ZNRF2: variants seen among roughly 807,000 people sequenced by gnomAD.
ZNRF2 encodes zinc and ring finger 2.
In ZNRF2, 16 loss-of-function variants were observed where a neutral mutation model predicts 20.4. The ratio of observed to expected loss-of-function variants is 0.79; its 90% CI spans 0.53 to 1.19. The LOEUF is 1.19. Ranked by LOEUF, ZNRF2 falls within the 50% of genes most tolerant of loss-of-function variation. The pLI is 0.00. For missense variants in ZNRF2, 363 were observed against 332.4 expected (o/e 1.09, Z -0.72); for synonymous variants, 178 against 144.9 (o/e 1.23, Z -1.64).
chr7:30,300,020 G>A (rs917331111), intron 1 of ZNRF2, among the ~76,000 whole-genome samples: 3 of 151,852 alleles, frequency 2.0e-5, no homozygotes, highest in African/African-American at 7.3e-5. Context: ...TCCTGACCTC[G>A]TGATGTGCCC....
intron 2 of ZNRF2, among the ~76,000 whole-genome samples, chr7:30,330,789 G>A (rs2127948981): frequency 6.6e-6 from 1 of 151,364 alleles, no homozygotes; most frequent in East Asian, 1.9e-4. Flanking sequence ...AAGAAAACTT[G>A]CCAGCTACTA....
chr7:30,297,509 C>G (rs1295593866), intron 1 of ZNRF2, among the ~76,000 whole-genome samples: 1 of 152,042 alleles, frequency 6.6e-6, no homozygotes, highest in African/African-American at 2.4e-5. Flanking sequence ...TTGATTAGTA[C>G]TTTGACTTGA....
chr7:30,354,758 C>T (rs956225724), intron 2 of ZNRF2, among the ~76,000 whole-genome samples: 4 of 152,056 alleles, frequency 2.6e-5, no homozygotes, highest in African/African-American at 9.7e-5. Context: ...ATTGCATGTT[C>T]CTGCTTTAGC....
chr7:30,306,203 C>T (rs1440937731), intron 1 of ZNRF2, among the ~76,000 whole-genome samples: 2 of 152,170 alleles, frequency 1.3e-5, no homozygotes, highest in East Asian at 3.8e-4. Flanking sequence ...CTCCTATCTG[C>T]AAGTTGCCTT....
In ZNRF2 at chr7:30,284,720, G is replaced by C. The variant is rs927909981; in HGVS notation, c.-638G>C. ...GCGGCCCAGATCCTCCCGCCAGCCCGGCCCCTCCTTCGCAGGGGGAGCGAG... is the reference window on the plus strand; with the variant it reads ...GCGGCCCAGATCCTCCCGCCAGCCCCGCCCCTCCTTCGCAGGGGGAGCGAG... On this transcript the variant is annotated 5_prime_UTR_variant, in exon 1 of 5. Coordinates refer to ENST00000323037, the MANE Select transcript of ZNRF2 (RefSeq NM_147128.4). 1.1e-5 allele frequency: 2 copies of C among 178,222 alleles called. No individual in the cohort carries two copies. The highest frequency in any genetic ancestry group is 4.8e-5 in the African/African-American group (2 of 41,542). The allele number at this position is 178,222 out of a possible 1,614,324, so 11.0% of individuals were successfully genotyped here.
intron 1 of ZNRF2, among the ~76,000 whole-genome samples, chr7:30,303,016 C>T (rs1235517414): frequency 3.3e-5 from 5 of 152,130 alleles, no homozygotes; most frequent in Admixed American, 3.3e-4. Flanking sequence ...TGTGGTGGCT[C>T]ATGCCTGTAA....
At chr7:30,309,375 T>C (rs1016983428) in intron 1 of ZNRF2, among the ~76,000 whole-genome samples, 1 of 152,234 alleles carries the variant, frequency 6.6e-6, no homozygotes, top group South Asian at 2.1e-4. Flanking sequence ...CTCAGAAATT[T>C]ATCACTTCTC....
In ZNRF2 at chr7:30,362,241, T is replaced by G. The variant is rs1047454999; in HGVS notation, c.672-136T>G. On this transcript the variant is annotated intron_variant, in intron 3 of 4. Coordinates refer to ENST00000323037, the MANE Select transcript of ZNRF2 (RefSeq NM_147128.4). ...AATAAACATTCTTATCTGTTGCTTA[T>G]GTATGCCAAATATAATTTAAAATGC... The G allele has an allele frequency of 2.8e-5, 14 of 507,298 alleles. No homozygotes were observed. The East Asian group carries it at 3.8e-4, about 14-fold the overall frequency. The allele number at this position is 507,298 out of a possible 1,614,324, so 31.4% of individuals were successfully genotyped here. A position where few individuals can be genotyped will look rare whatever the true frequency, so the allele number is the denominator to read the frequency against.
chr7:30,343,653 ATTCT>A, intron 2 of ZNRF2, among the ~76,000 whole-genome samples: 1 of 150,710 alleles, frequency 6.6e-6, no homozygotes, highest in African/African-American at 2.4e-5. Flanking sequence ...ATTGTAATTC[ATTCT>A]TTCTTTTAGT....
chr7:30,341,996 A>G (rs957707605), intron 2 of ZNRF2, among the ~76,000 whole-genome samples: 54 of 146,572 alleles, frequency 3.7e-4, no homozygotes, highest in Non-Finnish European at 6.7e-4. Flanking sequence ...GTCTTTTTTG[A>G]TCTTTGTTGG....
At chr7:30,289,794 T>C (rs369478485) in intron 1 of ZNRF2, 198 of 534,412 alleles carry the variant, frequency 3.7e-4, no homozygotes, top group Non-Finnish European at 6.7e-4. Context: ...CCTGGTATTT[T>C]GATGCTTTGC....
chr7:30,289,162 C>G (rs1433128869), intron 1 of ZNRF2, among the ~76,000 whole-genome samples: 1 of 152,142 alleles, frequency 6.6e-6, no homozygotes, highest in Non-Finnish European at 1.5e-5. Context: ...TTTTCTTGAG[C>G]TTTTTTGGGT....
At chr7:30,325,004 C>A (rs770499558) in intron 2 of ZNRF2, among the ~76,000 whole-genome samples, 1 of 152,080 alleles carries the variant, frequency 6.6e-6, no homozygotes, top group Non-Finnish European at 1.5e-5. Context: ...AGCTCTGGAG[C>A]GAACTGGTAT....
At chr7:30,300,338 A>T (rs113605503) in intron 1 of ZNRF2, among the ~76,000 whole-genome samples, 1 of 147,250 alleles carries the variant, frequency 6.8e-6, no homozygotes, top group Non-Finnish European at 1.5e-5. Context: ...TAGTAGAGAC[A>T]GGGTTTCACC....
At chr7:30,329,243 T>C (rs186042610) in intron 2 of ZNRF2, among the ~76,000 whole-genome samples, 391 of 152,320 alleles carry the variant, frequency 2.6e-3, no homozygotes, top group Non-Finnish European at 4.2e-3. Flanking sequence ...ATCAGGATAA[T>C]TGGGACATCC....
intron 1 of ZNRF2, among the ~76,000 whole-genome samples, chr7:30,291,041 T>C (rs1228763008): frequency 2.6e-5 from 4 of 152,190 alleles, no homozygotes; most frequent in African/African-American, 9.7e-5. Flanking sequence ...TTGTCTAGGC[T>C]GGTCAAAAAA....
intron 1 of ZNRF2, among the ~76,000 whole-genome samples, chr7:30,315,421 G>A (rs931733923): frequency 5.9e-5 from 9 of 152,144 alleles, no homozygotes; most frequent in African/African-American, 2.2e-4. Context: ...ACTGCAGAGT[G>A]TAGTGAAAAG....
At chr7:30,291,529 A>G (rs750664299) in intron 1 of ZNRF2, among the ~76,000 whole-genome samples, 10 of 152,212 alleles carry the variant, frequency 6.6e-5, no homozygotes, top group Non-Finnish European at 1.3e-4. Context: ...GTGAGGGAGA[A>G]GAAAAGTTAG....
At chr7:30,311,111 G>A (rs573330431) in intron 1 of ZNRF2, among the ~76,000 whole-genome samples, 5 of 152,210 alleles carry the variant, frequency 3.3e-5, no homozygotes, top group East Asian at 1.9e-4. Flanking sequence ...TACTCTCTGC[G>A]CTGTATGTAA....
Sources: gnomAD v4.1 joint callset for allele counts (sites outside exome capture counted in the v4.1 genomes callset) on GRCh38, gnomAD v4.1.1 for gene constraint, MANE v1.5 for transcripts, NCBI Gene and HGNC (gene_info 2026-07-23, HGNC 2026-07-21) for gene names.